Variants in CHD7 observed in about 807,000 individuals in gnomAD.
CHD7 encodes ATP-dependent chromatin remodeler CHD7.
CHD7 carries 24 observed loss-of-function variants against 307.3 expected under a neutral mutation model. That is an observed-to-expected ratio of 0.08 (90% CI 0.06 to 0.11). CHD7 has a LOEUF of 0.11. CHD7 is among the 10% of genes least tolerant of loss of function. The pLI is 1.00. For synonymous variants in CHD7, 1,363 were observed against 1,349.9 expected (o/e 1.01, Z -0.21); for missense variants, 3,106 against 3,727.1 (o/e 0.83, Z 4.34).
At chr8:60,765,695 G>A (rs891357362) in intron 2 of CHD7, among the ~76,000 whole-genome samples, 9 of 152,332 alleles carry the variant, frequency 5.9e-5, no homozygotes, top group African/African-American at 2.2e-4. Context: ...GGAGGACATG[G>A]GCCAGGAGGG....
intron 1 of CHD7, among the ~76,000 whole-genome samples, chr8:60,717,644 A>G (rs1586208126): frequency 6.6e-6 from 1 of 152,168 alleles, no homozygotes; most frequent in Non-Finnish European, 1.5e-5. Context: ...TTATACAGTC[A>G]TGTGCCATAT....
intron 1 of CHD7, among the ~76,000 whole-genome samples, chr8:60,705,806 G>A (rs1806996915): frequency 6.6e-6 from 1 of 152,156 alleles, no homozygotes; most frequent in African/African-American, 2.4e-5. Context: ...TGGAATAATA[G>A]ATTTTTATAT....
At position 60,844,882 on chromosome 8, in the gene CHD7, C is replaced by T; in HGVS notation, c.4869C>T (p.Asp1623=). The change falls in exon 22 of 38, where the codon GAC becomes GAT. Residue 1623 remains aspartate, a synonymous_variant. Transcript: ENST00000423902. ...TTTGCAGTTGGGGACGGTGGACAGA[C>T]ATTCTTTCCCACGGACGCTATAAAC... is the stretch of plus-strand genomic sequence containing the variant. ...LLVYGWGRWT[D]ILSHGRYKRQ... is the part of the protein sequence containing the mutation. 1.9e-6 allele frequency: 3 copies of T among 1,603,306 alleles called. No homozygotes were observed. Among genetic ancestry groups the T allele is most frequent in the Non-Finnish European group, 2.6e-6 (3 of 1,172,576 alleles).
At chr8:60,696,352 T>C (rs1398931365) in intron 1 of CHD7, among the ~76,000 whole-genome samples, 1 of 152,194 alleles carries the variant, frequency 6.6e-6, no homozygotes. Flanking sequence ...GTTAAACAGA[T>C]GTGGTTTGAA....
chr8:60,849,240 T>C (rs552419110), intron 25 of CHD7, 86 bp downstream of exon 25: 2 of 820,826 alleles, frequency 2.4e-6, no homozygotes, highest in East Asian at 5.0e-5. Flanking sequence ...TCCAAAGTCA[T>C]AATATTAATG....
intron 13 of CHD7, 31 bp downstream of exon 13, chr8:60,824,047 C>G (rs1335805371): frequency 1.3e-6 from 2 of 1,588,936 alleles, no homozygotes; most frequent in African/African-American, 1.3e-5. Context: ...TTGCACTGAA[C>G]CTGAATAGAA....
At chr8:60,734,098 T>C (rs1808588054) in intron 1 of CHD7, among the ~76,000 whole-genome samples, 1 of 152,244 alleles carries the variant, frequency 6.6e-6, no homozygotes, top group Non-Finnish European at 1.5e-5. Flanking sequence ...ACTACTTTCT[T>C]TAAGTGACAT....
At position 60,837,834 on chromosome 8, in the gene CHD7, G is replaced by C; in HGVS notation, c.4352G>C (p.Gly1451Ala). 6.2e-7 allele frequency: 1 copy of C among 1,610,508 alleles called. No individual in the cohort carries two copies. The highest frequency in any genetic ancestry group is 8.5e-7 in the Non-Finnish European group (1 of 1,177,596). ...SMSGRENATNGVQQLSKKEIE... is the reference protein window; with the variant it reads ...SMSGRENATNAVQQLSKKEIE... ...AGTGGAAGAGAAAATGCTACCAATGGGGTAAAACCACCCTTGCCCAAACCA... is the reference window on the plus strand; with the variant it reads ...AGTGGAAGAGAAAATGCTACCAATGCGGTAAAACCACCCTTGCCCAAACCA... Residue 1451 changes from glycine to alanine, a missense_variant and splice_region_variant, in exon 18 of 38, where the codon GGG becomes GCG. Gly to Ala is a moderately conservative substitution (Grantham distance 60). Around this residue, in one of 10 missense-constraint regions of CHD7, gnomAD observed 93 missense variants for 176.4 expected, o/e 0.53. Transcript: ENST00000423902.
intron 4 of CHD7, among the ~76,000 whole-genome samples, chr8:60,797,762 A>G (rs748309836): frequency 6.6e-6 from 1 of 152,234 alleles, no homozygotes; most frequent in African/African-American, 2.4e-5. Flanking sequence ...GTTCTTGATA[A>G]TGGCCTTTTA....
Position 60,741,894 on chromosome 8 carries a change from C to G in CHD7, c.462C>G (p.Asp154Glu), listed in dbSNP as rs1809042226. 2 of 1,613,282 alleles carry G rather than the reference C, an allele frequency of 1.2e-6. No individual in the cohort carries two copies. Among genetic ancestry groups the G allele is most frequent in the Admixed American group, 3.3e-5 (2 of 59,914 alleles). ...MWGPRAVQVP[D>E]QIRAPYQQQQ... ...GCCCCAGGGCTGTTCAGGTACCAGA[C>G]CAGATACGAGCCCCCTACCAGCAGC... Residue 154 changes from aspartate to glutamate, a missense_variant, in exon 2 of 38, where the codon GAC becomes GAG. Around this residue, in one of 10 missense-constraint regions of CHD7, gnomAD observed 998 missense variants for 1,004.5 expected, o/e 0.99. Coordinates refer to ENST00000423902, the MANE Select transcript of CHD7 (RefSeq NM_017780.4).
rs1190120002 is a variant in CHD7 at position 60,712,416 on chromosome 8, A to G, written c.-174-28843A>G. Among the ~76,000 whole-genome samples, 3 of 152,190 alleles carry G rather than the reference A, an allele frequency of 2.0e-5. No individual in the cohort carries two copies. The East Asian group carries it at 5.8e-4, about 29-fold the overall frequency. On this transcript the variant is annotated intron_variant, in intron 1 of 37. Transcript: ENST00000423902. ...GTTTGAGGACTCTGAGATGCTTCAG[A>G]TACCCAAACAGCAGAACCTTTCTAA... is the stretch of plus-strand genomic sequence containing the variant.
intron 1 of CHD7, among the ~76,000 whole-genome samples, chr8:60,687,421 A>T (rs1469954064): frequency 1.3e-5 from 2 of 152,224 alleles, no homozygotes; most frequent in Non-Finnish European, 2.9e-5. Flanking sequence ...ATAATTTTTT[A>T]AAAGTCTCTG....
rs144974405 is a variant in CHD7, at chr8:60,814,495, G to A, written c.2499-1892G>A. The stretch of plus-strand genomic sequence containing the variant: ...GGGTCTCCCTCTGTCACCCAGGCTT[G>A]AATGCAGTGGCGTGATCTCAGCTCA... On this transcript the variant is annotated intron_variant, in intron 7 of 37. Coordinates refer to ENST00000423902, the MANE Select transcript of CHD7 (RefSeq NM_017780.4). 6.6e-5 allele frequency among the ~76,000 whole-genome samples: 10 copies of A among 152,326 alleles called. No homozygotes were observed. In the East Asian group the frequency reaches 1.9e-3, roughly 29 times the overall value.
chr8:60,689,334 G>T (rs917270801), intron 1 of CHD7, among the ~76,000 whole-genome samples: 2 of 152,196 alleles, frequency 1.3e-5, no homozygotes, highest in African/African-American at 4.8e-5. Flanking sequence ...GGAGCATAAA[G>T]TTTGTGTCAG....
rs371635934 is a variant in CHD7 at position 60,742,549 on chromosome 8, C to G, written c.1117C>G (p.Leu373Val). ...HQQPIHPSGS[L>V]NQMNTQTMHP... ...GCAGCCCATCCACCCCAGTGGCTCA[C>G]TTAACCAAATGAACACACAAACTAT... Residue 373 changes from leucine (L) to valine (V), a missense_variant, in exon 2 of 38, where the codon CTT becomes GTT. Coordinates refer to ENST00000423902, the MANE Select transcript of CHD7 (RefSeq NM_017780.4). 1.2e-6 allele frequency: 2 copies of G among 1,613,908 alleles called. No homozygotes were observed. The highest frequency in any genetic ancestry group is 1.1e-5 in the South Asian group (1 of 91,088).
At chr8:60,854,338 T>C (rs767752993) in intron 31 of CHD7, 25 bp from the exon 32 acceptor site, 12 of 1,607,770 alleles carry the variant, frequency 7.5e-6, no homozygotes, top group Non-Finnish European at 1.0e-5. Context: ...TGGTTGTGAG[T>C]AATGCACATT....
At chr8:60,750,928 G>A (rs1371587629) in intron 2 of CHD7, among the ~76,000 whole-genome samples, 1 of 152,196 alleles carries the variant, frequency 6.6e-6, no homozygotes, top group African/African-American at 2.4e-5. Flanking sequence ...TAAGGTTAAG[G>A]AAGTAGTAGC....
chr8:60,759,773 A>T (rs142140546), intron 2 of CHD7, among the ~76,000 whole-genome samples: 106 of 152,242 alleles, frequency 7.0e-4, no homozygotes, highest in African/African-American at 2.3e-3. Flanking sequence ...TTAAATAATG[A>T]GTTTAAGCTG....
intron 1 of CHD7, among the ~76,000 whole-genome samples, chr8:60,714,238 G>T (rs1445379203): frequency 6.6e-6 from 1 of 151,976 alleles, no homozygotes; most frequent in Non-Finnish European, 1.5e-5. Context: ...TCGCTGGCAC[G>T]CGGAAGGCCC....
Sources: allele counts gnomAD v4.1 joint callset (sites outside exome capture counted in the v4.1 genomes callset), GRCh38; gene constraint gnomAD v4.1.1; regional missense constraint gnomAD v4.1.1; transcripts MANE v1.5; gene names NCBI Gene and HGNC (gene_info 2026-07-23, HGNC 2026-07-21).